Variants in GTF2F2 observed in about 807,000 individuals in gnomAD.
GTF2F2 encodes general transcription factor IIF subunit 2, also known as ATP-dependent helicase GTF2F2.
Under a neutral mutation model 42.2 loss-of-function variants are expected in GTF2F2, and 23 were observed. The ratio of observed to expected loss-of-function variants is 0.55; its 90% CI spans 0.39 to 0.77. The LOEUF is 0.77. GTF2F2 is among the 30% of genes least tolerant of loss of function. GTF2F2 has a pLI of 0.00. For synonymous variants in GTF2F2, 105 were observed against 100.8 expected (o/e 1.04, Z -0.25); for missense variants, 261 against 287.2 (o/e 0.91, Z 0.66).
rs1011439130 is a variant in GTF2F2 at position 45,226,827 on chromosome 13, C to G, written c.386+19322C>G. ...TAGTTTTCTTCTAAGAGGGTTGAACCTTTTTCTGGTAAGGGTTGTGTATTT... is the reference window on the plus strand; with the variant it reads ...TAGTTTTCTTCTAAGAGGGTTGAACGTTTTTCTGGTAAGGGTTGTGTATTT... On this transcript the variant is annotated intron_variant, in intron 5 of 7. Coordinates refer to ENST00000340473, the MANE Select transcript of GTF2F2 (RefSeq NM_004128.3). 2.0e-5 allele frequency among the ~76,000 whole-genome samples: 3 copies of G among 152,196 alleles called. No homozygotes were observed. The East Asian group carries it at 5.8e-4, about 29-fold the overall frequency.
chr13:45,236,520 C>CACACACACACAA (rs1295462147), intron 5 of GTF2F2, among the ~76,000 whole-genome samples: 8 of 132,660 alleles, frequency 6.0e-5, no homozygotes, highest in African/African-American at 2.2e-4. Context: ...CACACACACA[C>CACACACACACAA]ACACACACAA....
chr13:45,251,798 A>G (rs1364060787), intron 5 of GTF2F2, among the ~76,000 whole-genome samples: 5 of 152,094 alleles, frequency 3.3e-5, no homozygotes, highest in African/African-American at 1.2e-4. Flanking sequence ...TTACTCTTCA[A>G]TTGTAATCTA....
intron 6 of GTF2F2, among the ~76,000 whole-genome samples, chr13:45,261,222 C>G (rs1333133639): frequency 6.6e-6 from 1 of 152,010 alleles, no homozygotes; most frequent in African/African-American, 2.4e-5. Flanking sequence ...ATCAGGAGAT[C>G]AAGACCATCC....
intron 1 of GTF2F2, among the ~76,000 whole-genome samples, chr13:45,130,482 A>G (rs1439456102): frequency 6.6e-6 from 1 of 152,214 alleles, no homozygotes; most frequent in Non-Finnish European, 1.5e-5. Context: ...TATTGAGAAT[A>G]AACTGTACAT....
At chr13:45,233,674 G>A (rs1041925231) in intron 5 of GTF2F2, among the ~76,000 whole-genome samples, 1 of 152,150 alleles carries the variant, frequency 6.6e-6, no homozygotes, top group Non-Finnish European at 1.5e-5. Context: ...AGCACTTTGG[G>A]AGGCCAAGGC....
intron 5 of GTF2F2, among the ~76,000 whole-genome samples, chr13:45,243,860 C>T (rs1486549637): frequency 6.6e-6 from 1 of 152,190 alleles, no homozygotes; most frequent in Non-Finnish European, 1.5e-5. Flanking sequence ...ACAGTTTCAC[C>T]ATGTTGGCCA....
intron 2 of GTF2F2, among the ~76,000 whole-genome samples, chr13:45,145,533 C>A (rs1566113396): frequency 6.6e-6 from 1 of 152,228 alleles, no homozygotes; most frequent in Non-Finnish European, 1.5e-5. Flanking sequence ...CCCCCACACA[C>A]ATCCCTCTTT....
chr13:45,263,446 T>C (rs1022154491), intron 6 of GTF2F2, among the ~76,000 whole-genome samples: 1 of 152,106 alleles, frequency 6.6e-6, no homozygotes, highest in Non-Finnish European at 1.5e-5. Context: ...GCCAGGATGG[T>C]CTTGATCTCC....
chr13:45,278,374 A>G (rs1024856032), intron 7 of GTF2F2, among the ~76,000 whole-genome samples: 1 of 152,172 alleles, frequency 6.6e-6, no homozygotes, highest in Non-Finnish European at 1.5e-5. Flanking sequence ...GTGATGTTCT[A>G]TCCCTTATTT....
chr13:45,236,996 T>A (rs532437543), intron 5 of GTF2F2, among the ~76,000 whole-genome samples: 11 of 152,310 alleles, frequency 7.2e-5, no homozygotes, highest in African/African-American at 2.6e-4. Flanking sequence ...TGAAATGATT[T>A]TTTTCTACTT....
At chr13:45,131,782 T>G (rs1869360968) in intron 1 of GTF2F2, among the ~76,000 whole-genome samples, 1 of 151,226 alleles carries the variant, frequency 6.6e-6, no homozygotes, top group African/African-American at 2.4e-5. Context: ...GGTGCACACC[T>G]GTAGTTCAGC....
chr13:45,155,269 A>G (rs1029478702), intron 4 of GTF2F2, among the ~76,000 whole-genome samples: 1 of 152,228 alleles, frequency 6.6e-6, no homozygotes, highest in Non-Finnish European at 1.5e-5. Flanking sequence ...TTGATTTTAC[A>G]TTGAAATATA....
Position 45,200,246 on chromosome 13 carries a change from T to C in GTF2F2, c.305-7178T>C, listed in dbSNP as rs936550297. ...GGAGGGAAAGAATTTTGCAGGGAGATGAGAGAGAGAGGGAGAGACAAAACA... is the reference window on the plus strand; with the variant it reads ...GGAGGGAAAGAATTTTGCAGGGAGACGAGAGAGAGAGGGAGAGACAAAACA... On this transcript the variant is annotated intron_variant, in intron 4 of 7. Coordinates refer to ENST00000340473, the MANE Select transcript of GTF2F2 (RefSeq NM_004128.3). Among the ~76,000 whole-genome samples the C allele has an allele frequency of 4.6e-5, 7 of 151,654 alleles. No homozygotes were observed. The South Asian group carries it at 8.4e-4, about 18-fold the overall frequency.
At chr13:45,153,326 T>C (rs1236222452) in intron 4 of GTF2F2, among the ~76,000 whole-genome samples, 1 of 152,146 alleles carries the variant, frequency 6.6e-6, no homozygotes, top group Admixed American at 6.5e-5. Flanking sequence ...CCGAATTTTT[T>C]TTGTGGTATC....
Position 45,284,499 on chromosome 13 carries a change from A to G in GTF2F2, c.*938A>G, listed in dbSNP as rs1008148335. On this transcript the variant is annotated 3_prime_UTR_variant, in exon 8 of 8. Coordinates refer to ENST00000340473, the MANE Select transcript of GTF2F2 (RefSeq NM_004128.3). ...ATGTTAGTTTTTTCTAGCACAACAC[A>G]ATATTATATATTAAGCGATCCAAAA... 2 of 152,212 alleles carry G rather than the reference A, an allele frequency of 1.3e-5. No homozygotes were observed. Among genetic ancestry groups the G allele is most frequent in the Admixed American group, 1.3e-4 (2 of 15,268 alleles). The allele number at this position is 152,212 out of a possible 1,614,324, so 9.4% of individuals were successfully genotyped here. A position where few individuals can be genotyped will look rare whatever the true frequency, so the allele number is the denominator to read the frequency against.
At chr13:45,180,011 T>C (rs778721810) in intron 4 of GTF2F2, among the ~76,000 whole-genome samples, 2 of 152,172 alleles carry the variant, frequency 1.3e-5, no homozygotes, top group African/African-American at 2.4e-5. Flanking sequence ...ATTATCTTTT[T>C]TAAAAACTCC....
chr13:45,239,202 A>G (rs575754135), intron 5 of GTF2F2, among the ~76,000 whole-genome samples: 8 of 152,308 alleles, frequency 5.3e-5, no homozygotes, highest in African/African-American at 1.2e-4. Flanking sequence ...TGCTTAAGGT[A>G]AAAGTATCCC....
chr13:45,275,574 T>C (rs910652642), intron 7 of GTF2F2, among the ~76,000 whole-genome samples: 3 of 151,568 alleles, frequency 2.0e-5, no homozygotes, highest in African/African-American at 7.3e-5. Context: ...GTCCTTGAGA[T>C]AGTTTGCTCA....
intron 2 of GTF2F2, among the ~76,000 whole-genome samples, chr13:45,148,464 T>C (rs1273951556): frequency 2.0e-5 from 3 of 152,178 alleles, no homozygotes; most frequent in South Asian, 2.1e-4. Flanking sequence ...TTTGTGACTT[T>C]CGTTCAATTC....
Sources: gnomAD v4.1 joint callset for allele counts (sites outside exome capture counted in the v4.1 genomes callset) on GRCh38, gnomAD v4.1.1 for gene constraint, MANE v1.5 for transcripts, NCBI Gene and HGNC (gene_info 2026-07-23, HGNC 2026-07-21) for gene names.